STON2: variants seen among roughly 807,000 people sequenced by gnomAD.
STON2 encodes stonin-2.
STON2 carries 29 observed loss-of-function variants against 65.7 expected under a neutral mutation model. That is an observed-to-expected ratio of 0.44 (90% CI 0.33 to 0.60). The LOEUF (loss-of-function observed/expected upper bound fraction) is 0.60, where lower values mean the gene tolerates loss of function less well. STON2 is among the 20% of genes least tolerant of loss of function. The probability of loss-of-function intolerance (pLI) is 0.03; values close to 1 mark genes in which losing one functional copy is unlikely to be tolerated. For synonymous variants in STON2, 404 were observed against 414.2 expected, an observed-to-expected ratio of 0.98 and a Z score of 0.30; for missense variants, 1,054 against 1,118.1, an observed-to-expected ratio of 0.94 and a Z score of 0.82.
At chr14:81,286,234 ATT>A in intron 5 of STON2, among the ~76,000 whole-genome samples, 1 of 152,356 alleles carries the variant, frequency 6.6e-6, no homozygotes, top group East Asian at 1.9e-4. Context: ...CAGCAGCAGG[ATT>A]TGAGAGGATT....
intron 4 of STON2, among the ~76,000 whole-genome samples, chr14:81,336,865 TTA>T (rs1348196948): frequency 6.6e-6 from 1 of 152,118 alleles, no homozygotes; most frequent in African/African-American, 2.4e-5. Context: ...CAGAGAGGCT[TTA>T]ACCTCAGATG....
intron 2 of STON2, among the ~76,000 whole-genome samples, chr14:81,415,609 G>A (rs981639075): frequency 4.1e-5 from 6 of 145,760 alleles, no homozygotes; most frequent in African/African-American, 1.6e-4. Context: ...GGCAGAGGTG[G>A]CAGTGAGCCA....
chr14:81,385,027 C>T (rs1477873791), intron 3 of STON2, among the ~76,000 whole-genome samples: 1 of 152,182 alleles, frequency 6.6e-6, no homozygotes. Flanking sequence ...TAACAGATTG[C>T]CCAACTGTTA....
chr14:81,330,759 G>A (rs1897182239), intron 4 of STON2, among the ~76,000 whole-genome samples: 1 of 151,996 alleles, frequency 6.6e-6, no homozygotes, highest in Non-Finnish European at 1.5e-5. Flanking sequence ...GCTCCCTCAG[G>A]GCAAAAATTA....
Position 81,266,698 on chromosome 14 carries a change from T to C in STON2, c.*1716A>G, listed in dbSNP as rs1894369706. 16 of 985,240 alleles carry C rather than the reference T, an allele frequency of 1.6e-5. No homozygotes were observed. Among genetic ancestry groups the C allele is most frequent in the Non-Finnish European group, 1.7e-5 (14 of 829,884 alleles). 61.0% of individuals were successfully genotyped at this position (985,240 alleles called of 1,614,324 possible). A position where few individuals can be genotyped will look rare whatever the true frequency, so the allele number is the denominator to read the frequency against. ...CAGCTGACTACATTAGCTTTGTGAA[T>C]AGCCATGATATATTTCTGATTCAAC... is the stretch of plus-strand genomic sequence containing the variant. On this transcript the variant is annotated 3_prime_UTR_variant, in exon 8 of 8. Transcript: ENST00000614646.
At chr14:81,355,889 A>G (rs1181503179) in intron 4 of STON2, among the ~76,000 whole-genome samples, 6 of 152,118 alleles carry the variant, frequency 3.9e-5, no homozygotes, top group African/African-American at 1.4e-4. Context: ...GTTGCTTATC[A>G]GCTTAAGGAG....
intron 4 of STON2, among the ~76,000 whole-genome samples, chr14:81,344,878 A>C (rs1245594997): frequency 6.6e-6 from 1 of 152,210 alleles, no homozygotes; most frequent in Non-Finnish European, 1.5e-5. Flanking sequence ...TTTATGAACT[A>C]ATGTAGTATT....
At position 81,261,547 on chromosome 14, in the gene STON2, A is replaced by G. The variant is rs1340634510; in HGVS notation, c.*6867T>C. 2.7e-6 allele frequency: 1 copy of G among 373,026 alleles called. No individual in the cohort carries two copies. The highest frequency in any genetic ancestry group is 4.5e-5 in the Admixed American group (1 of 22,188). The allele number at this position is 373,026 out of a possible 1,614,324, so 23.1% of individuals were successfully genotyped here. A position where few individuals can be genotyped will look rare whatever the true frequency, so the allele number is the denominator to read the frequency against. On this transcript the variant is annotated 3_prime_UTR_variant, in exon 8 of 8. Transcript: ENST00000614646. Reference sequence around the variant, plus strand: ...TTACTAAGAGACAACGAGGATACAGAGGGGACTGTCCCTTTTCTCTCATCT... The same window carrying G: ...TTACTAAGAGACAACGAGGATACAGGGGGGACTGTCCCTTTTCTCTCATCT...
chr14:81,305,371 G>C (rs780222630), intron 5 of STON2, among the ~76,000 whole-genome samples: 2 of 152,204 alleles, frequency 1.3e-5, no homozygotes, highest in Non-Finnish European at 2.9e-5. Flanking sequence ...ACCAACACTG[G>C]ATACTGCCTG....
intron 2 of STON2, 75 bp from the exon 3 acceptor site, chr14:81,396,253 A>G: frequency 6.8e-7 from 1 of 1,462,552 alleles, no homozygotes; most frequent in East Asian, 2.3e-5. Context: ...GGCAAAAACT[A>G]AGGATGACCA....
rs181085148 is a variant in STON2, at chr14:81,265,084, A to G, written c.*3330T>C. 7.1e-6 allele frequency: 7 copies of G among 985,088 alleles called. No homozygotes were observed. The East Asian group carries it at 7.9e-4, about 112-fold the overall frequency. 61.0% of individuals were successfully genotyped at this position (985,088 alleles called of 1,614,324 possible). On this transcript the variant is annotated 3_prime_UTR_variant, in exon 8 of 8. Coordinates refer to ENST00000614646, the MANE Select transcript of STON2 (RefSeq NM_001394390.1). ...AAAGATTATTTGTGACCACAAAAAA[A>G]AAAAATAAAAAGTCCAGGTCCAGGG...
At chr14:81,386,334 C>CA (rs1204676061) in intron 3 of STON2, among the ~76,000 whole-genome samples, 2 of 151,998 alleles carry the variant, frequency 1.3e-5, no homozygotes, top group Non-Finnish European at 2.9e-5. Context: ...ATTCCACCCC[C>CA]ACCCACCACT....
chr14:81,400,589 A>C (rs1035043894), upstream of STON2, among the ~76,000 whole-genome samples: 2 of 152,044 alleles, frequency 1.3e-5, no homozygotes, highest in Non-Finnish European at 1.5e-5. Flanking sequence ...ACCCAGCAAA[A>C]GTCATGGATA....
At chr14:81,341,469 T>TTTTTC (rs149759275) in intron 4 of STON2, among the ~76,000 whole-genome samples, 5 of 148,258 alleles carry the variant, frequency 3.4e-5, no homozygotes, top group Admixed American at 1.3e-4. Context: ...TTTTTTTTTT[T>TTTTTC]CCCAAAAGTC....
chr14:81,434,075 C>G (rs1429210983), intron 1 of STON2, among the ~76,000 whole-genome samples: 1 of 152,172 alleles, frequency 6.6e-6, no homozygotes, highest in East Asian at 1.9e-4. Flanking sequence ...CTTTTAAGAT[C>G]TTCTCTGGAT....
chr14:81,435,664 C>G (rs1402471511), intron 1 of STON2, among the ~76,000 whole-genome samples: 1 of 152,118 alleles, frequency 6.6e-6, no homozygotes, highest in Non-Finnish European at 1.5e-5. Context: ...CCAGAACACA[C>G]GGACGCGCAC....
chr14:81,320,095 C>A (rs1896767843), intron 5 of STON2, among the ~76,000 whole-genome samples: 1 of 152,106 alleles, frequency 6.6e-6, no homozygotes, highest in Non-Finnish European at 1.5e-5. Context: ...TCTAGAATTG[C>A]CTCACTCACG....
intron 4 of STON2, among the ~76,000 whole-genome samples, chr14:81,339,432 G>A (rs749924427): frequency 9.9e-5 from 15 of 152,284 alleles, no homozygotes; most frequent in Non-Finnish European, 1.9e-4. Flanking sequence ...CAGCTCAGGG[G>A]CAGGCAACCA....
chr14:81,278,551 T>G lies in STON2; in HGVS notation c.931A>C (p.Asn311His). ...ATCACAGATGCACTTGGTGGTGTAT[T>G]TGGCTTCAGAGGAGAGGTGACTGGT... ...LPPVTSPLKP[N>H]TPPSASVIPD... The change falls in exon 6 of 8, where the codon AAT becomes CAT. Residue 311 changes from asparagine (N) to histidine (H), a missense_variant. Transcript: ENST00000614646. 6 of 1,612,570 alleles carry G rather than the reference T, an allele frequency of 3.7e-6. No individual in the cohort carries two copies. The highest frequency in any genetic ancestry group is 5.1e-6 in the Non-Finnish European group (6 of 1,179,082).
Sources: allele counts gnomAD v4.1 joint callset (sites outside exome capture counted in the v4.1 genomes callset), GRCh38; gene constraint gnomAD v4.1.1; transcripts MANE v1.5; gene names NCBI Gene and HGNC (gene_info 2026-07-23, HGNC 2026-07-21).